The following SHC3 variants were observed in gnomAD, a reference collection of about 807,000 sequenced individuals.
The protein encoded by SHC3 is SHC-transforming protein 3.
SHC3 carries 15 observed loss-of-function variants against 60.4 expected under a neutral mutation model. The ratio of observed to expected loss-of-function variants is 0.25; its 90% CI spans 0.17 to 0.38. SHC3 has a LOEUF of 0.38. SHC3 is among the 10% of genes least tolerant of loss of function. The pLI is 1.00. For synonymous variants in SHC3, 294 were observed against 325.9 expected (o/e 0.90, Z 1.05); for missense variants, 677 against 786.1 (o/e 0.86, Z 1.66).
intron 6 of SHC3, among the ~76,000 whole-genome samples, chr9:89,055,032 G>A (rs4242599): frequency 0.081 from 12,272 of 152,280 alleles, 665 homozygotes; most frequent in Admixed American, 0.12. Context: ...AACTGAGATG[G>A]GCAACTTGAA....
intron 1 of SHC3, among the ~76,000 whole-genome samples, chr9:89,147,385 T>A (rs1214833262): frequency 3.9e-5 from 6 of 152,150 alleles, no homozygotes; most frequent in African/African-American, 1.4e-4. Context: ...TCTGCCCTTC[T>A]TGTGCCAACT....
intron 2 of SHC3, chr9:89,109,358 C>T (rs980271989): frequency 8.5e-6 from 8 of 945,674 alleles, no homozygotes; most frequent in Non-Finnish European, 7.6e-6. Flanking sequence ...GGAAGTCCAG[C>T]GAGGGTGCAC....
At position 89,177,977 on chromosome 9, in the gene SHC3, C is replaced by T. The variant is rs1418535326; in HGVS notation, c.474+10G>A. On this transcript the variant is annotated intron_variant, in intron 1 of 11. Coordinates refer to ENST00000375835, the MANE Select transcript of SHC3 (RefSeq NM_016848.6). ...CCCCAGCCCCCAGGGCGGCCCGCGC[C>T]CGCACCCACCTTGACCACGTAGGTG... The T allele has an allele frequency of 3.0e-5, 37 of 1,219,316 alleles. No individual in the cohort carries two copies. Among genetic ancestry groups the T allele is most frequent in the African/African-American group, 4.7e-5 (3 of 63,758 alleles). 75.5% of individuals were successfully genotyped at this position (1,219,316 alleles called of 1,614,324 possible).
chr9:89,093,121 A>G (rs1825649777), intron 2 of SHC3, among the ~76,000 whole-genome samples: 1 of 152,212 alleles, frequency 6.6e-6, no homozygotes, highest in Non-Finnish European at 1.5e-5. Flanking sequence ...CTTTAACCTT[A>G]TAATAAACAG....
chr9:89,102,326 A>G (rs1564144524), intron 2 of SHC3, among the ~76,000 whole-genome samples: 1 of 152,136 alleles, frequency 6.6e-6, no homozygotes, highest in Non-Finnish European at 1.5e-5. Context: ...TTCATTTCCA[A>G]TGCTCTTCAA....
intron 2 of SHC3, chr9:89,089,007 T>C (rs1402320588): frequency 6.6e-6 from 1 of 152,236 alleles, no homozygotes; most frequent in Non-Finnish European, 1.5e-5. Context: ...CTGCAAAGCT[T>C]CCTGCTGGAG....
At chr9:89,129,737 T>C (rs2118161447) in intron 1 of SHC3, among the ~76,000 whole-genome samples, 1 of 152,268 alleles carries the variant, frequency 6.6e-6, no homozygotes, top group Non-Finnish European at 1.5e-5. Context: ...AGGCCTGCCT[T>C]ACAAGAGCTC....
chr9:89,044,672 T>C (rs1236073265), intron 9 of SHC3, among the ~76,000 whole-genome samples: 1 of 152,234 alleles, frequency 6.6e-6, no homozygotes, highest in Non-Finnish European at 1.5e-5. Context: ...CATTCATACA[T>C]ATTTGTATGT....
chr9:89,054,774 G>A (rs1163129586), intron 6 of SHC3, among the ~76,000 whole-genome samples: 2 of 152,238 alleles, frequency 1.3e-5, no homozygotes, highest in Non-Finnish European at 2.9e-5. Flanking sequence ...GCAAGACAGG[G>A]AATTCCACAG....
chr9:89,044,925 G>A (rs1459989325), intron 9 of SHC3, among the ~76,000 whole-genome samples: 1 of 152,176 alleles, frequency 6.6e-6, no homozygotes, highest in Non-Finnish European at 1.5e-5. Context: ...TATCCCTGGT[G>A]CCACCTCTGC....
At chr9:89,033,738 G>T (rs532749980) in intron 11 of SHC3, among the ~76,000 whole-genome samples, 1 of 152,284 alleles carries the variant, frequency 6.6e-6, no homozygotes, top group South Asian at 2.1e-4. Context: ...AATTAACAAA[G>T]AAATGAATGT....
At chr9:89,042,380 T>C (rs1184647721) in intron 9 of SHC3, among the ~76,000 whole-genome samples, 196 bp from the exon 10 acceptor site, 1 of 152,182 alleles carries the variant, frequency 6.6e-6, no homozygotes, top group African/African-American at 2.4e-5. Context: ...GTCCTTCATA[T>C]CAGCATGGGG....
chr9:89,072,443 A>G lies in SHC3; in HGVS notation c.730-1191T>C, dbSNP rs373837123. 9.8e-4 allele frequency among the ~76,000 whole-genome samples: 149 copies of G among 152,192 alleles called. 2 individuals carry two copies. The South Asian group carries it at 0.03, about 31-fold the overall frequency. On this transcript the variant is annotated intron_variant, in intron 4 of 11. Transcript: ENST00000375835. ...TGGGGGGAAATGTGGCCCATCTTCC[A>G]TTTTATCCCATTAGAAAGCCAGCAT...
chr9:89,067,200 C>T (rs73498152), intron 5 of SHC3, among the ~76,000 whole-genome samples: 34 of 152,192 alleles, frequency 2.2e-4, no homozygotes, highest in African/African-American at 8.2e-4. Flanking sequence ...AAGTTATTGG[C>T]AAAAACAAGG....
intron 2 of SHC3, among the ~76,000 whole-genome samples, chr9:89,083,739 T>C (rs1232052837): frequency 3.9e-5 from 6 of 152,192 alleles, no homozygotes; most frequent in African/African-American, 1.2e-4. Context: ...GATGACTCAC[T>C]CTTTCATCTT....
At chr9:89,021,205 A>G (rs1269727979) in intron 11 of SHC3, among the ~76,000 whole-genome samples, 1 of 152,196 alleles carries the variant, frequency 6.6e-6, no homozygotes, top group Non-Finnish European at 1.5e-5. Flanking sequence ...TTCTACCTTA[A>G]AAATGATTTT....
At chr9:89,043,654 T>TTA (rs1385327722) in intron 9 of SHC3, among the ~76,000 whole-genome samples, 3 of 145,708 alleles carry the variant, frequency 2.1e-5, no homozygotes, top group Non-Finnish European at 4.5e-5. Context: ...ATTTATTTAT[T>TTA]TTTTTTTTTT....
At chr9:89,081,402 C>A (rs1825441961) in intron 2 of SHC3, among the ~76,000 whole-genome samples, 1 of 152,136 alleles carries the variant, frequency 6.6e-6, no homozygotes, top group African/African-American at 2.4e-5. Flanking sequence ...AATATTGAAG[C>A]TTTACAGTCC....
At chr9:89,100,216 A>C (rs1283212665) in intron 2 of SHC3, among the ~76,000 whole-genome samples, 1 of 152,206 alleles carries the variant, frequency 6.6e-6, no homozygotes, top group African/African-American at 2.4e-5. Flanking sequence ...AACATTTCTG[A>C]AATCGCTGTG....
Sources: gnomAD v4.1 joint callset for allele counts (sites outside exome capture counted in the v4.1 genomes callset) on GRCh38, gnomAD v4.1.1 for gene constraint, MANE v1.5 for transcripts, NCBI Gene and HGNC (gene_info 2026-07-23, HGNC 2026-07-21) for gene names.